AIMP2: variants seen among roughly 807,000 people sequenced by gnomAD.
AIMP2 encodes the protein aminoacyl tRNA synthase complex-interacting multifunctional protein 2.
Under a neutral mutation model 23.4 loss-of-function variants are expected in AIMP2, and 20 were observed. That is an observed-to-expected ratio of 0.85 (90% CI 0.60 to 1.24). The LOEUF (loss-of-function observed/expected upper bound fraction) is 1.24. Ranked by LOEUF, AIMP2 falls within the 50% of genes most tolerant of loss-of-function variation. The pLI is 0.00. For synonymous variants in AIMP2, 210 were observed against 170.4 expected, an observed-to-expected ratio of 1.23 and a Z score of -1.81; for missense variants, 515 against 414.5, an observed-to-expected ratio of 1.24 and a Z score of -2.10.
rs1410082930 is a variant in AIMP2 at position 6,009,442 on chromosome 7, C to G, written c.79C>G (p.Leu27Val). 6.2e-7 allele frequency: 1 copy of G among 1,610,704 alleles called. No homozygotes were observed. Among genetic ancestry groups the G allele is most frequent in the Admixed American group, 1.7e-5 (1 of 59,874 alleles). The stretch of plus-strand genomic sequence containing the variant: ...GGAGCTTCCCACCTGCATGTACCGG[C>G]TCCCCAACGTGCACGGCAGGAGCTA... ...RVELPTCMYRLPNVHGRSYGP... is the reference protein window; with the variant it reads ...RVELPTCMYRVPNVHGRSYGP... The change falls in exon 1 of 4, where the codon CTC becomes GTC. Residue 27 changes from leucine to valine, a missense_variant. Transcript: ENST00000223029.
intron 1 of AIMP2, among the ~76,000 whole-genome samples, chr7:6,011,512 C>G (rs370401160): frequency 6.6e-6 from 1 of 152,308 alleles, no homozygotes; most frequent in African/African-American, 2.4e-5. Context: ...AGAAACAGGC[C>G]TGTCCATTTC....
intron 3 of AIMP2, among the ~76,000 whole-genome samples, chr7:6,021,230 G>A (rs1787385908): frequency 6.6e-6 from 1 of 150,970 alleles, no homozygotes; most frequent in African/African-American, 2.4e-5. Context: ...TGTAATTCCA[G>A]CTACTTTGGA....
At position 6,014,785 on chromosome 7, in the gene AIMP2, T is replaced by A. The variant is rs941531427; in HGVS notation, c.136-361T>A. ...CCCAGGCTGGAGTGCAGTGGTGCCA[T>A]CTCGGCTCACTGCAACCTCCACCTC... On this transcript the variant is annotated intron_variant, in intron 1 of 3. Coordinates refer to ENST00000223029, the MANE Select transcript of AIMP2 (RefSeq NM_006303.4). The A allele has an allele frequency of 4.0e-5, 9 of 223,996 alleles. No individual in the cohort carries two copies. In the East Asian group the frequency reaches 4.8e-4, roughly 12 times the overall value. The allele number at this position is 223,996 out of a possible 1,614,324, so 13.9% of individuals were successfully genotyped here.
rs1368319415 is a variant in AIMP2, at chr7:6,011,714, TAG to T, written c.135+2221_135+2222del. Among the ~76,000 whole-genome samples, 4 of 152,200 alleles carry T rather than the reference TAG, an allele frequency of 2.6e-5. No individual in the cohort carries two copies. The East Asian group carries it at 5.8e-4, about 22-fold the overall frequency. ...GACATAGTTCAATGGTCCCTGCACC[TAG>T]AGAGTGCCGTGGAAACAGGGCCCAG... On this transcript the variant is annotated intron_variant, in intron 1 of 3. Transcript: ENST00000223029.
rs1175445509 is a variant in AIMP2 at position 6,009,610 on chromosome 7, C to T, written c.135+112C>T. On this transcript the variant is annotated intron_variant, in intron 1 of 3. Transcript: ENST00000223029. Reference sequence around the variant, plus strand: ...CAACCGGTTCACGGCCCCACCCCGGCATCTGTGCCGGCCGGCCAGGGACTC... The same window carrying T: ...CAACCGGTTCACGGCCCCACCCCGGTATCTGTGCCGGCCGGCCAGGGACTC... 23 of 959,530 alleles carry T rather than the reference C, an allele frequency of 2.4e-5. No homozygotes were observed. The South Asian group carries it at 5.7e-4, about 24-fold the overall frequency. The allele number at this position is 959,530 out of a possible 1,614,324, so 59.4% of individuals were successfully genotyped here.
chr7:6,009,965 A>T (rs1178204738), intron 1 of AIMP2, among the ~76,000 whole-genome samples: 1 of 92,530 alleles, frequency 1.1e-5, no homozygotes, highest in African/African-American at 4.1e-5. Context: ...AAAAAAAAAA[A>T]AAAAAAAAAA....
chr7:6,012,801 C>T, intron 1 of AIMP2: 1 of 1,023,894 alleles, frequency 9.8e-7, no homozygotes, highest in Non-Finnish European at 1.2e-6. Flanking sequence ...ATCCACCCGC[C>T]TCGCCCTTCC....
In AIMP2 at chr7:6,010,200, A is replaced by T. The variant is rs182274676; in HGVS notation, c.135+702A>T. On this transcript the variant is annotated intron_variant, in intron 1 of 3. Coordinates refer to ENST00000223029, the MANE Select transcript of AIMP2 (RefSeq NM_006303.4). ...TTTTTTAATATATGGTTGCTTAAAC[A>T]TTTTGGTTCAGAGATTCTACCCTCT... Among the ~76,000 whole-genome samples the T allele has an allele frequency of 2.4e-3, 370 of 151,440 alleles. 1 individual carries two copies. Among genetic ancestry groups the T allele is most frequent in the Non-Finnish European group, 4.1e-3 (281 of 67,882 alleles).
chr7:6,009,474 A>C lies in AIMP2; in HGVS notation c.111A>C (p.Pro37=). ...ACGTGCACGGCAGGAGCTACGGCCCAGCGCCGGGCGCTGGCCACGTGCAGG... is the reference window on the plus strand; with the variant it reads ...ACGTGCACGGCAGGAGCTACGGCCCCGCGCCGGGCGCTGGCCACGTGCAGG... The part of the protein sequence containing the change: ...LPNVHGRSYG[P]APGAGHVQEE... The change falls in exon 1 of 4, where the codon CCA becomes CCC. Residue 37 remains proline, a synonymous_variant. Coordinates refer to ENST00000223029, the MANE Select transcript of AIMP2 (RefSeq NM_006303.4). 1 of 1,586,208 alleles carries C rather than the reference A, an allele frequency of 6.3e-7. No homozygotes were observed. Among genetic ancestry groups the C allele is most frequent in the Non-Finnish European group, 8.5e-7 (1 of 1,170,098 alleles).
Position 6,023,440 on chromosome 7 carries a change from G to C in AIMP2, c.712G>C (p.Asp238His). The C allele has an allele frequency of 1.2e-6, 2 of 1,614,200 alleles. No individual in the cohort carries two copies. The highest frequency in any genetic ancestry group is 1.7e-6 in the Non-Finnish European group (2 of 1,180,018). ...VNATLIDSWV[D>H]IAIFQLKEGS... ...CGCAACCCTTATAGATAGCTGGGTA[G>C]ATATTGCGATTTTTCAGTTAAAAGA... The change falls in exon 4 of 4, where the codon GAT becomes CAT. Residue 238 changes from aspartate to histidine, a missense_variant. Coordinates refer to ENST00000223029, the MANE Select transcript of AIMP2 (RefSeq NM_006303.4).
intron 2 of AIMP2, among the ~76,000 whole-genome samples, chr7:6,015,728 CAAAAA>C (rs1258186109): frequency 6.6e-6 from 1 of 152,164 alleles, no homozygotes; most frequent in Non-Finnish European, 1.5e-5. Flanking sequence ...CGTCTCAAAA[CAAAAA>C]CAAAACTAGC....
intron 1 of AIMP2, among the ~76,000 whole-genome samples, chr7:6,013,586 G>T (rs1467678372): frequency 6.6e-6 from 1 of 152,034 alleles, no homozygotes; most frequent in Non-Finnish European, 1.5e-5. Flanking sequence ...AGTCTTTCCA[G>T]CTGCCATCTT....
Position 6,023,376 on chromosome 7 carries a change from C to T in AIMP2, c.648C>T (p.Phe216=). ...AAGGCGAAGGGAACATTGCACGTTT[C>T]TTGTTCTCTCTGTTTGGCCAGAAGC... ...PIEGEGNIAR[F]LFSLFGQKHN... The change falls in exon 4 of 4, where the codon TTC becomes TTT. Residue 216 remains phenylalanine, a synonymous_variant. Transcript: ENST00000223029. 6.2e-7 allele frequency: 1 copy of T among 1,614,110 alleles called. No homozygotes were observed.
chr7:6,023,601 C>T lies in AIMP2; in HGVS notation c.873C>T (p.Cys291=). The part of the protein sequence containing the change: ...LWSVLQQIGG[C]SVTVPANVQR... Reference sequence around the variant, plus strand: ...CTGTACTCCAGCAGATCGGAGGCTGCAGTGTGACAGTGCCAGCCAATGTGC... The same window carrying T: ...CTGTACTCCAGCAGATCGGAGGCTGTAGTGTGACAGTGCCAGCCAATGTGC... Residue 291 remains cysteine (C), a synonymous_variant, in exon 4 of 4, where the codon TGC becomes TGT. Coordinates refer to ENST00000223029, the MANE Select transcript of AIMP2 (RefSeq NM_006303.4). The T allele has an allele frequency of 6.2e-7, 1 of 1,614,176 alleles. No individual in the cohort carries two copies. Among genetic ancestry groups the T allele is most frequent in the Non-Finnish European group, 8.5e-7 (1 of 1,180,026 alleles).
intron 1 of AIMP2, among the ~76,000 whole-genome samples, chr7:6,009,974 A>AAAAAAAATAT: frequency 7.5e-5 from 2 of 26,672 alleles, no homozygotes; most frequent in African/African-American, 1.4e-4. Context: ...AAAAAAAAAA[A>AAAAAAAATAT]ATATATATAT....
chr7:6,017,845 A>C lies in AIMP2; in HGVS notation c.374A>C (p.Asn125Thr). ...DYGALKDIVI[N>T]ANPASPPLSL... Reference sequence around the variant, plus strand: ...GGGGCGCTGAAAGACATCGTGATCAACGCAAACCCGGCCTCCCCTCCCCTC... The same window carrying C: ...GGGGCGCTGAAAGACATCGTGATCACCGCAAACCCGGCCTCCCCTCCCCTC... Residue 125 changes from asparagine to threonine, a missense_variant, in exon 3 of 4, where the codon AAC becomes ACC. Coordinates refer to ENST00000223029, the MANE Select transcript of AIMP2 (RefSeq NM_006303.4). The C allele has an allele frequency of 6.2e-7, 1 of 1,614,062 alleles. No individual in the cohort carries two copies. Among genetic ancestry groups the C allele is most frequent in the Non-Finnish European group, 8.5e-7 (1 of 1,180,012 alleles).
chr7:6,010,884 C>T (rs1786639172), intron 1 of AIMP2, among the ~76,000 whole-genome samples: 1 of 151,396 alleles, frequency 6.6e-6, no homozygotes, highest in Admixed American at 6.6e-5. Flanking sequence ...CCAAGGTGGT[C>T]TCAATCTCCT....
intron 1 of AIMP2, 149 bp from the exon 2 acceptor site, chr7:6,014,997 G>A (rs1562724274): frequency 6.7e-7 from 1 of 1,492,526 alleles, no homozygotes; most frequent in Non-Finnish European, 8.9e-7. Context: ...TGGGATTACA[G>A]GCGTGAGCCA....
intron 3 of AIMP2, chr7:6,022,257 AAC>A (rs1403270721): frequency 2.0e-5 from 3 of 152,106 alleles, no homozygotes; most frequent in African/African-American, 7.2e-5. Context: ...TTATTTTCTT[AAC>A]ATTTTCTCAA....
Sources: gnomAD v4.1 joint callset for allele counts (sites outside exome capture counted in the v4.1 genomes callset) on GRCh38, gnomAD v4.1.1 for gene constraint, MANE v1.5 for transcripts, NCBI Gene and HGNC (gene_info 2026-07-23, HGNC 2026-07-21) for gene names.